The following ACCSL variants were observed in gnomAD, a reference collection of about 807,000 sequenced individuals.
The protein encoded by ACCSL is probable inactive 1-aminocyclopropane-1-carboxylate synthase-like protein 2.
ACCSL carries 55 observed loss-of-function variants against 61.7 expected under a neutral mutation model. The ratio of observed to expected loss-of-function variants is 0.89; its 90% confidence interval spans 0.72 to 1.12. The LOEUF is 1.12. Among genes scored for constraint, ACCSL ranks in the 50% most tolerant of loss-of-function variants. The pLI, the probability that ACCSL is intolerant of heterozygous loss-of-function variation, is 0.00. For missense variants in ACCSL, 632 were observed against 698.0 expected, an observed-to-expected ratio of 0.91 and a Z score of 1.07; for synonymous variants, 258 against 264.3, an observed-to-expected ratio of 0.98 and a Z score of 0.23.
At chr11:43,962,953 C>T in the ACCSL span, among the ~76,000 whole-genome samples, 3 of 152,180 alleles carry the variant, frequency 2.0e-5, no homozygotes, top group Non-Finnish European at 4.4e-5. Context: ...CTGCCTGCTC[C>T]GGTTTTGCCC....
chr11:43,969,861 CTG>C, the ACCSL span, among the ~76,000 whole-genome samples: 2 of 151,876 alleles, frequency 1.3e-5, no homozygotes, highest in African/African-American at 4.8e-5. Context: ...CCAGAAGCAA[CTG>C]TCTGCAGAGA....
chr11:44,050,009 A>G (rs1240944526), intron 1 of ACCSL, 53 bp from the exon 2 acceptor site: 3 of 1,611,800 alleles, frequency 1.9e-6, no homozygotes, highest in Non-Finnish European at 2.5e-6. Flanking sequence ...CAAGGGATCT[A>G]TGTAGGGTGG....
At chr11:43,956,091 GAAAA>G in the ACCSL span, among the ~76,000 whole-genome samples, 2 of 111,990 alleles carry the variant, frequency 1.8e-5, no homozygotes, top group Non-Finnish European at 4.0e-5. Context: ...AAGATTTATA[GAAAA>G]AAAAAAAAAA....
At chr11:43,965,763 A>G in the ACCSL span, among the ~76,000 whole-genome samples, 1 of 152,346 alleles carries the variant, frequency 6.6e-6, no homozygotes, top group East Asian at 1.9e-4. Context: ...CATGTAGATC[A>G]TGAACAGAAT....
At chr11:44,009,956 T>C in the ACCSL span, among the ~76,000 whole-genome samples, 2 of 152,184 alleles carry the variant, frequency 1.3e-5, no homozygotes, top group Admixed American at 6.5e-5. Context: ...TTAATGATGG[T>C]AAATGTGAGA....
the ACCSL span, among the ~76,000 whole-genome samples, chr11:44,018,310 A>T: frequency 6.6e-6 from 1 of 152,224 alleles, no homozygotes; most frequent in Non-Finnish European, 1.5e-5. Context: ...AGGGAGGTCT[A>T]TGCCAGCCGG....
At chr11:43,941,941 G>A in the ACCSL span, among the ~76,000 whole-genome samples, 1 of 152,126 alleles carries the variant, frequency 6.6e-6, no homozygotes, top group East Asian at 1.9e-4. Context: ...GTGCCCGAGG[G>A]ACTTGGGTGG....
At position 44,058,378 on chromosome 11, in the gene ACCSL, C is replaced by T. The variant is rs1952684822; in HGVS notation, c.1389C>T (p.Tyr463=). The part of the protein sequence containing the change: ...NCYRLREAHK[Y]ITAELKALEI... ...ACCGGCTCCGGGAAGCTCACAAGTACATCACTGCTGAGCTGAAGGCATTGG... is the reference window on the plus strand; with the variant it reads ...ACCGGCTCCGGGAAGCTCACAAGTATATCACTGCTGAGCTGAAGGCATTGG... Residue 463 remains tyrosine (Y), a synonymous_variant, in exon 12 of 14, where the codon TAC becomes TAT. Transcript: ENST00000378832. The T allele has an allele frequency of 2.5e-6, 4 of 1,614,050 alleles. No homozygotes were observed. The highest frequency in any genetic ancestry group is 1.1e-5 in the South Asian group (1 of 91,088).
At chr11:44,025,750 A>C in the ACCSL span, among the ~76,000 whole-genome samples, 1 of 105,254 alleles carries the variant, frequency 9.5e-6, no homozygotes, top group African/African-American at 3.3e-5. Flanking sequence ...AAATTCTCTC[A>C]GTTACAAAAA....
chr11:44,008,327 G>T, the ACCSL span, among the ~76,000 whole-genome samples: 1 of 152,176 alleles, frequency 6.6e-6, no homozygotes, highest in South Asian at 2.1e-4. Flanking sequence ...GCTAAGAGAG[G>T]TGACATATCA....
the ACCSL span, among the ~76,000 whole-genome samples, chr11:43,980,155 C>T: frequency 1.3e-5 from 2 of 152,176 alleles, no homozygotes; most frequent in Admixed American, 1.3e-4. Flanking sequence ...TTCTTGATAG[C>T]TGCCTAGAAT....
chr11:44,037,186 T>C, the ACCSL span, among the ~76,000 whole-genome samples: 1 of 152,192 alleles, frequency 6.6e-6, no homozygotes, highest in African/African-American at 2.4e-5. Flanking sequence ...TTGGAATTTG[T>C]TTGCTTTTGG....
chr11:43,999,800 A>C, the ACCSL span, among the ~76,000 whole-genome samples: 2 of 152,198 alleles, frequency 1.3e-5, no homozygotes, highest in Non-Finnish European at 2.9e-5. Context: ...TGTAGTAGGT[A>C]TAATCTGCTC....
the ACCSL span, among the ~76,000 whole-genome samples, chr11:43,923,178 T>C: frequency 1.3e-5 from 2 of 152,308 alleles, no homozygotes; most frequent in African/African-American, 4.8e-5. Flanking sequence ...AAGAGTTAAG[T>C]AGGCCCTGCA....
the ACCSL span, among the ~76,000 whole-genome samples, chr11:43,978,800 T>G: frequency 2.0e-5 from 3 of 147,556 alleles, no homozygotes; most frequent in Admixed American, 1.3e-4. Flanking sequence ...TTTTTTTTTT[T>G]TTTTTTTTTT....
intron 8 of ACCSL, among the ~76,000 whole-genome samples, chr11:44,054,356 A>G (rs899317803): frequency 1.2e-4 from 19 of 152,176 alleles, no homozygotes; most frequent in African/African-American, 4.6e-4. Flanking sequence ...CAAGAATTGG[A>G]TAGAATGGGT....
At chr11:43,948,187 T>C in the ACCSL span, among the ~76,000 whole-genome samples, 3 of 152,164 alleles carry the variant, frequency 2.0e-5, no homozygotes, top group Non-Finnish European at 1.5e-5. Flanking sequence ...GGCAGGGCTC[T>C]AGAGGGAAGG....
chr11:44,042,931 A>G, the ACCSL span, among the ~76,000 whole-genome samples: 1 of 152,030 alleles, frequency 6.6e-6, no homozygotes, highest in East Asian at 1.9e-4. Flanking sequence ...AAATACAACA[A>G]AATTAGCTGG....
chr11:43,942,355 G>C, the ACCSL span: 2 of 210,420 alleles, frequency 9.5e-6, no homozygotes, highest in East Asian at 3.6e-4. Context: ...GCCCAGTCGC[G>C]GCGATTGAGG....
Sources: gnomAD v4.1 joint callset for allele counts (sites outside exome capture counted in the v4.1 genomes callset) on GRCh38, gnomAD v4.1.1 for gene constraint, MANE v1.5 for transcripts, NCBI Gene and HGNC (gene_info 2026-07-23, HGNC 2026-07-21) for gene names.